Variants in PDE7B observed in about 807,000 individuals in gnomAD.
PDE7B encodes the protein 3',5'-cyclic-AMP phosphodiesterase 7B.
A neutral mutation model predicts 56.2 loss-of-function variants in PDE7B; 29 were observed. The observed-to-expected ratio is 0.52, with a 90% CI of 0.38 to 0.70. PDE7B has a LOEUF of 0.70. PDE7B is among the 30% of genes least tolerant of loss of function. PDE7B has a pLI of 0.00. For missense variants in PDE7B, 490 were observed against 565.0 expected, an observed-to-expected ratio of 0.87 and a Z score of 1.35; for synonymous variants, 197 against 196.9, an observed-to-expected ratio of 1.00 and a Z score of 0.00.
intron 8 of PDE7B, among the ~76,000 whole-genome samples, chr6:136,163,623 G>A (rs1490279497): frequency 6.6e-6 from 1 of 152,204 alleles, no homozygotes; most frequent in Non-Finnish European, 1.5e-5. Flanking sequence ...CAGAAAATGG[G>A]TTTTTCTTTT....
chr6:135,979,154 G>T (rs540368477), intron 2 of PDE7B, among the ~76,000 whole-genome samples: 69 of 151,924 alleles, frequency 4.5e-4, no homozygotes, highest in African/African-American at 1.6e-3. Context: ...TTTGTCTTTG[G>T]TTCTGTTTAT....
chr6:135,941,607 A>G (rs1774507804), intron 1 of PDE7B, among the ~76,000 whole-genome samples: 1 of 152,254 alleles, frequency 6.6e-6, no homozygotes, highest in Non-Finnish European at 1.5e-5. Flanking sequence ...GGTCTAGCCT[A>G]TAGCCTAATC....
chr6:136,095,744 C>T (rs1377232581), intron 2 of PDE7B: 1 of 152,208 alleles, frequency 6.6e-6, no homozygotes, highest in Admixed American at 6.5e-5. Context: ...TCCATACTCA[C>T]TGGCCATGTC....
intron 1 of PDE7B, among the ~76,000 whole-genome samples, chr6:135,895,054 G>A (rs2128190662): frequency 6.6e-6 from 1 of 151,966 alleles, no homozygotes. Flanking sequence ...TCTATAAATA[G>A]AGTTATATAT....
chr6:135,983,867 C>T (rs1314954362), intron 2 of PDE7B, among the ~76,000 whole-genome samples: 1 of 152,228 alleles, frequency 6.6e-6, no homozygotes, highest in East Asian at 1.9e-4. Context: ...ATAGCTGCTT[C>T]CAGCAAGGCC....
At chr6:135,999,581 A>G (rs1775629863) in intron 2 of PDE7B, among the ~76,000 whole-genome samples, 1 of 152,138 alleles carries the variant, frequency 6.6e-6, no homozygotes, top group Non-Finnish European at 1.5e-5. Flanking sequence ...TGTTTCCACA[A>G]AAGACATGAA....
At chr6:136,162,293 T>C (rs528379475) in intron 8 of PDE7B, 1 of 152,194 alleles carries the variant, frequency 6.6e-6, no homozygotes, top group East Asian at 1.9e-4. Context: ...CTTACAATCA[T>C]AGCAGAAGGG....
chr6:135,948,645 T>C (rs1774632069), intron 2 of PDE7B, among the ~76,000 whole-genome samples: 1 of 152,020 alleles, frequency 6.6e-6, no homozygotes, highest in African/African-American at 2.4e-5. Context: ...TTTAAATCTC[T>C]CTTTGCAGTT....
rs1358567483 is a variant in PDE7B, at chr6:136,116,518, C to A, written c.166+7704C>A. Among the ~76,000 whole-genome samples, 3 of 152,148 alleles carry A rather than the reference C, an allele frequency of 2.0e-5. No homozygotes were observed. In the South Asian group the frequency reaches 6.2e-4, roughly 32 times the overall value. Reference sequence around the variant, plus strand: ...CTGTAGAGATGATAGTGTAAATCCACAGATTTCATATAAAAGAAGACATAA... The same window carrying A: ...CTGTAGAGATGATAGTGTAAATCCAAAGATTTCATATAAAAGAAGACATAA... On this transcript the variant is annotated intron_variant, in intron 3 of 12. Transcript: ENST00000308191.
intron 8 of PDE7B, among the ~76,000 whole-genome samples, chr6:136,173,561 T>A (rs898085943): frequency 6.6e-6 from 1 of 152,170 alleles, no homozygotes; most frequent in Non-Finnish European, 1.5e-5. Flanking sequence ...TAGATCCTCA[T>A]TCAACCCTGC....
chr6:136,127,090 G>T lies in PDE7B; in HGVS notation c.166+18276G>T, dbSNP rs546104566. ...TTACCTATCAGAGAAATGGGGTTAG[G>T]TTCTAGGTTCAGATCATTATAAACA... On this transcript the variant is annotated intron_variant, in intron 3 of 12. Coordinates refer to ENST00000308191, the MANE Select transcript of PDE7B (RefSeq NM_018945.4). Among the ~76,000 whole-genome samples the T allele has an allele frequency of 7.9e-5, 12 of 152,198 alleles. No homozygotes were observed. The South Asian group carries it at 2.1e-3, about 26-fold the overall frequency.
chr6:135,982,928 C>A (rs1775320019), intron 2 of PDE7B, among the ~76,000 whole-genome samples: 1 of 152,174 alleles, frequency 6.6e-6, no homozygotes, highest in African/African-American at 2.4e-5. Context: ...ACTCTTCTAA[C>A]CACCAACCTC....
At chr6:135,886,204 G>A (rs1276894693) in intron 1 of PDE7B, among the ~76,000 whole-genome samples, 1 of 148,934 alleles carries the variant, frequency 6.7e-6, no homozygotes, top group African/African-American at 2.6e-5. Flanking sequence ...TCCTTATATT[G>A]TAGTTGTAAT....
chr6:136,108,863 G>GA (rs111919004), intron 3 of PDE7B, 49 bp downstream of exon 3: 12,478 of 869,836 alleles, frequency 0.014, no homozygotes, highest in Non-Finnish European at 0.016. Flanking sequence ...TCTTCAAAAA[G>GA]AAAAAAAAAA....
intron 2 of PDE7B, among the ~76,000 whole-genome samples, chr6:135,970,762 C>T (rs180778001): frequency 2.0e-5 from 3 of 152,142 alleles, no homozygotes; most frequent in Non-Finnish European, 4.4e-5. Flanking sequence ...GAAAGAACTA[C>T]GACATTCGTC....
At chr6:136,127,810 A>C (rs1398175513) in intron 3 of PDE7B, among the ~76,000 whole-genome samples, 3 of 152,232 alleles carry the variant, frequency 2.0e-5, no homozygotes, top group Non-Finnish European at 4.4e-5. Context: ...TGACCAAGTC[A>C]TGCTGAGAAA....
intron 2 of PDE7B, among the ~76,000 whole-genome samples, chr6:136,107,751 C>T (rs1174333442): frequency 1.3e-5 from 2 of 152,166 alleles, no homozygotes; most frequent in Non-Finnish European, 2.9e-5. Flanking sequence ...AAAGTCCATG[C>T]TCTTTCCACT....
At chr6:135,950,606 T>C (rs1014575972) in intron 2 of PDE7B, among the ~76,000 whole-genome samples, 20 of 152,232 alleles carry the variant, frequency 1.3e-4, no homozygotes, top group African/African-American at 4.6e-4. Context: ...GGTCAAGCCC[T>C]TGGCTCACTC....
At chr6:136,163,298 C>CATGT (rs538890551) in intron 8 of PDE7B, among the ~76,000 whole-genome samples, 432 of 152,348 alleles carry the variant, frequency 2.8e-3, no homozygotes, top group Non-Finnish European at 5.2e-3. Flanking sequence ...AACTCAACAC[C>CATGT]ATGTGGAAGT....
Sources: gnomAD v4.1 joint callset for allele counts (sites outside exome capture counted in the v4.1 genomes callset) on GRCh38, gnomAD v4.1.1 for gene constraint, MANE v1.5 for transcripts, NCBI Gene and HGNC (gene_info 2026-07-23, HGNC 2026-07-21) for gene names.